Variants in VSIG10 observed in about 807,000 individuals in gnomAD.
The protein encoded by VSIG10 is V-set and immunoglobulin domain containing 10.
In VSIG10, 48 loss-of-function variants were observed where a neutral mutation model predicts 58.7. The observed-to-expected ratio is 0.82, with a 90% CI of 0.65 to 1.04. The LOEUF is 1.04. Among genes scored for constraint, VSIG10 ranks in the 50% least tolerant of loss-of-function variants. The probability of loss-of-function intolerance (pLI) is 0.00; values close to 1 mark genes in which losing one functional copy is unlikely to be tolerated. For missense variants in VSIG10, 628 were observed against 670.0 expected (o/e 0.94, Z 0.69); for synonymous variants, 260 against 267.1 (o/e 0.97, Z 0.26).
intron 8 of VSIG10, 41 bp from the exon 9 acceptor site, chr12:118,066,735 T>C (rs1320482550): frequency 6.5e-7 from 1 of 1,539,448 alleles, no homozygotes; most frequent in Non-Finnish European, 8.8e-7. Context: ...GTAATCAGAG[T>C]GTGATTCTAT....
At chr12:118,091,142 C>T (rs189379462) in intron 2 of VSIG10, among the ~76,000 whole-genome samples, 4 of 151,760 alleles carry the variant, frequency 2.6e-5, no homozygotes, top group Admixed American at 2.6e-4. Flanking sequence ...CTCAAACAAA[C>T]AAACAACAAC....
At chr12:118,067,448 G>A (rs952822571) in intron 8 of VSIG10, among the ~76,000 whole-genome samples, 8 of 145,704 alleles carry the variant, frequency 5.5e-5, no homozygotes, top group Admixed American at 6.9e-5. Flanking sequence ...GTTTTAGTTT[G>A]TTCCCCTAAA....
chr12:118,095,904 T>A (rs1405479125), intron 1 of VSIG10, 90 bp from the exon 2 acceptor site: 75 of 1,282,102 alleles, frequency 5.8e-5, no homozygotes, highest in Middle Eastern at 4.2e-4. Context: ...AGGATTTTTT[T>A]AAAAATCAGG....
intron 8 of VSIG10, among the ~76,000 whole-genome samples, chr12:118,068,023 C>CTTTTTTTTTT (rs371999216): frequency 1.2e-5 from 1 of 85,500 alleles, no homozygotes; most frequent in African/African-American, 5.0e-5. Context: ...GGTTTGTGGG[C>CTTTTTTTTTT]TTTTTTTTTT....
chr12:118,098,597 T>C (rs926284898), intron 1 of VSIG10, among the ~76,000 whole-genome samples: 1 of 152,116 alleles, frequency 6.6e-6, no homozygotes, highest in African/African-American at 2.4e-5. Flanking sequence ...CAATGCAGTG[T>C]GATAAACACC....
intron 1 of VSIG10, among the ~76,000 whole-genome samples, chr12:118,099,468 C>T (rs1040972051): frequency 1.3e-5 from 2 of 151,920 alleles, no homozygotes; most frequent in Admixed American, 1.3e-4. Context: ...AAAAAAAGAC[C>T]GACAGGTGCT....
chr12:118,070,284 G>A (rs1009654116), intron 7 of VSIG10, among the ~76,000 whole-genome samples: 6 of 151,884 alleles, frequency 4.0e-5, no homozygotes, highest in Non-Finnish European at 7.4e-5. Flanking sequence ...GCAGTGGCTC[G>A]TGCCTGTAAT....
intron 8 of VSIG10, among the ~76,000 whole-genome samples, chr12:118,067,654 G>GGC (rs397734309): frequency 6.6e-6 from 1 of 151,486 alleles, no homozygotes; most frequent in Non-Finnish European, 1.5e-5. Flanking sequence ...AGAGATGGGG[G>GGC]TCTCACCATG....
chr12:118,075,267 A>C (rs2032681085), intron 4 of VSIG10, among the ~76,000 whole-genome samples: 1 of 151,900 alleles, frequency 6.6e-6, no homozygotes, highest in African/African-American at 2.4e-5. Flanking sequence ...GGCTTCAGGC[A>C]TCCACTGGGG....
intron 7 of VSIG10, among the ~76,000 whole-genome samples, chr12:118,069,583 ATG>A (rs1205647806): frequency 1.3e-5 from 2 of 151,642 alleles, no homozygotes; most frequent in East Asian, 3.9e-4. Flanking sequence ...GCGCCACTAC[ATG>A]CGGCTAATTT....
In VSIG10 at chr12:118,065,786, G is replaced by A. The variant is rs1566149816; in HGVS notation, c.*853C>T. On this transcript the variant is annotated 3_prime_UTR_variant, in exon 9 of 9. Coordinates refer to ENST00000359236, the MANE Select transcript of VSIG10 (RefSeq NM_019086.6). ...ATGTTTTTCAATAAATGGAAGGAAA[G>A]ATGTGTGTGCTTGGTTTTTTTGCTG... 2 of 152,274 alleles carry A rather than the reference G, an allele frequency of 1.3e-5. No individual in the cohort carries two copies. The highest frequency in any genetic ancestry group is 3.8e-4 in the East Asian group (2 of 5,204). 9.4% of individuals were successfully genotyped at this position (152,274 alleles called of 1,614,324 possible).
chr12:118,090,068 C>A (rs1380985516), intron 2 of VSIG10, among the ~76,000 whole-genome samples: 3 of 152,196 alleles, frequency 2.0e-5, no homozygotes, highest in African/African-American at 7.2e-5. Flanking sequence ...TAATCCCACA[C>A]TTTGGGAGGC....
chr12:118,084,962 TGAGCCGAGATC>T, intron 2 of VSIG10, among the ~76,000 whole-genome samples: 1 of 152,222 alleles, frequency 6.6e-6, no homozygotes, highest in South Asian at 2.1e-4. Context: ...GAGCTTGCAG[TGAGCCGAGATC>T]GCGCCACTGC....
chr12:118,072,497 G>A (rs1460938829), intron 5 of VSIG10, among the ~76,000 whole-genome samples: 1 of 151,220 alleles, frequency 6.6e-6, no homozygotes. Context: ...GGAGGGGAGG[G>A]GAGGGAAAGA....
chr12:118,076,723 A>AGG (rs2032743449), intron 4 of VSIG10, among the ~76,000 whole-genome samples: 1 of 151,918 alleles, frequency 6.6e-6, no homozygotes, highest in East Asian at 1.9e-4. Context: ...GCCTGGAGTG[A>AGG]CCGCTCACTG....
At position 118,073,788 on chromosome 12, in the gene VSIG10, CAGTTG is replaced by C. The variant is rs770705293; in HGVS notation, c.1125_1129del (p.His375GlnfsTer7). The C allele has an allele frequency of 6.2e-7, 1 of 1,613,952 alleles. No individual in the cohort carries two copies. Among genetic ancestry groups the C allele is most frequent in the East Asian group, 2.2e-5 (1 of 44,876 alleles). ...GTAGCCCTCATCCAGGTCCTGGGAG[CAGTTG>C]TGGATAGTGAGGGTGGAGTTCTGGC... On this transcript the variant is annotated frameshift_variant, in exon 5 of 9. Coordinates refer to ENST00000359236, the MANE Select transcript of VSIG10 (RefSeq NM_019086.6). LOFTEE classifies it high-confidence loss of function.
At chr12:118,076,220 AT>A (rs1391794071) in intron 4 of VSIG10, among the ~76,000 whole-genome samples, 1 of 152,164 alleles carries the variant, frequency 6.6e-6, no homozygotes, top group Non-Finnish European at 1.5e-5. Context: ...TAACATCAAG[AT>A]GTTGGCAGAG....
chr12:118,077,903 C>A (rs2032790038), intron 4 of VSIG10, among the ~76,000 whole-genome samples: 1 of 152,190 alleles, frequency 6.6e-6, no homozygotes, highest in Non-Finnish European at 1.5e-5. Context: ...GACAAACCAT[C>A]CCCAATGCCC....
intron 7 of VSIG10, among the ~76,000 whole-genome samples, chr12:118,070,221 G>T (rs895937225): frequency 1.3e-5 from 2 of 152,024 alleles, no homozygotes; most frequent in Non-Finnish European, 2.9e-5. Flanking sequence ...TTTGGGAGGG[G>T]GTTCTGGGCA....
Sources: allele counts gnomAD v4.1 joint callset (sites outside exome capture counted in the v4.1 genomes callset), GRCh38; gene constraint gnomAD v4.1.1; transcripts MANE v1.5; gene names NCBI Gene and HGNC (gene_info 2026-07-23, HGNC 2026-07-21).